The following USO1 variants were observed in gnomAD, a reference collection of about 807,000 sequenced individuals.
USO1 encodes the protein USO1 vesicle transport factor, also known as general vesicular transport factor p115.
USO1 carries 57 observed loss-of-function variants against 124.5 expected under a neutral mutation model. That is an observed-to-expected ratio of 0.46 (90% CI 0.37 to 0.57). USO1 has a LOEUF of 0.57. USO1 is among the 20% of genes least tolerant of loss of function. The probability of loss-of-function intolerance (pLI) is 0.00; values close to 1 mark genes in which losing one functional copy is unlikely to be tolerated. For synonymous variants in USO1, 369 were observed against 362.8 expected (o/e 1.02, Z -0.19); for missense variants, 900 against 1,040.6 (o/e 0.86, Z 1.86).
At position 75,785,755 on chromosome 4, in the gene USO1, A is replaced by G. The variant is rs562314845; in HGVS notation, c.856-1307A>G. Among the ~76,000 whole-genome samples, 27 of 152,282 alleles carry G rather than the reference A, an allele frequency of 1.8e-4. 1 individual carries two copies. The South Asian group carries it at 5.4e-3, about 30-fold the overall frequency. ...TGATTTTGTCCATTGTAATAATGGT[A>G]TGATTATATTTCAAAAAATATCAAG... On this transcript the variant is annotated intron_variant, in intron 9 of 23. Transcript: ENST00000514213.
rs1367330175 is a variant in USO1 at position 75,724,696 on chromosome 4, G to A, written c.-124G>A. The A allele has an allele frequency of 3.2e-6, 3 of 948,272 alleles. No individual in the cohort carries two copies. Among genetic ancestry groups the A allele is most frequent in the Non-Finnish European group, 4.7e-6 (3 of 638,942 alleles). The allele number at this position is 948,272 out of a possible 1,614,324, so 58.7% of individuals were successfully genotyped here. A position where few individuals can be genotyped will look rare whatever the true frequency, so the allele number is the denominator to read the frequency against. ...GGCTGGAGTGGCCGCCGAGTTGGAG[G>A]CGGTGGTGGCAGCAGTAGGAGTGTG... On this transcript the variant is annotated 5_prime_UTR_variant, in exon 1 of 24. Coordinates refer to ENST00000514213, the MANE Select transcript of USO1 (RefSeq NM_003715.4).
At chr4:75,757,714 A>C (rs750950359) in intron 4 of USO1, 141 bp downstream of exon 4, 114 of 751,240 alleles carry the variant, frequency 1.5e-4, no homozygotes, top group Non-Finnish European at 1.9e-4. Flanking sequence ...TAATAAACAC[A>C]TAGGCTTAGA....
At chr4:75,771,163 C>A (rs879215555) in intron 7 of USO1, 26 bp downstream of exon 7, 2 of 1,578,046 alleles carry the variant, frequency 1.3e-6, no homozygotes, top group East Asian at 2.3e-5. Flanking sequence ...AAAAGAAATA[C>A]AAAAATATGT....
At chr4:75,739,162 A>C (rs966105609) in intron 1 of USO1, among the ~76,000 whole-genome samples, 1 of 152,128 alleles carries the variant, frequency 6.6e-6, no homozygotes, top group Non-Finnish European at 1.5e-5. Flanking sequence ...AAGTTTTTTT[A>C]AAGTGTTGTA....
intron 3 of USO1, among the ~76,000 whole-genome samples, chr4:75,755,097 A>G (rs1346032770): frequency 1.3e-5 from 2 of 152,208 alleles, no homozygotes; most frequent in Non-Finnish European, 2.9e-5. Flanking sequence ...GCTGTTTGAT[A>G]TGGCAACTGC....
At chr4:75,812,115 T>G in intron 22 of USO1, 45 bp from the exon 23 acceptor site, 1 of 1,553,628 alleles carries the variant, frequency 6.4e-7, no homozygotes. Flanking sequence ...TCTAGGAAAG[T>G]GAGTGCTAAT....
chr4:75,767,412 G>T (rs941331193), intron 4 of USO1: 17 of 428,506 alleles, frequency 4.0e-5, no homozygotes, highest in African/African-American at 3.5e-4. Context: ...GATGACTTTT[G>T]ATACATGTAT....
intron 6 of USO1, 40 bp from the exon 7 acceptor site, chr4:75,771,042 T>G: frequency 1.9e-6 from 3 of 1,599,082 alleles, no homozygotes; most frequent in Non-Finnish European, 1.7e-6. Flanking sequence ...TATTTGTATT[T>G]TTGGTCTGCC....
intron 1 of USO1, chr4:75,744,973 T>A (rs757082392): frequency 2.1e-5 from 10 of 479,970 alleles, no homozygotes; most frequent in Non-Finnish European, 3.7e-5. Flanking sequence ...TCTTATTTTT[T>A]AGGACCCCAA....
At position 75,752,437 on chromosome 4, in the gene USO1, G is replaced by C. The variant is rs1409196961; in HGVS notation, c.131G>C (p.Arg44Pro). The stretch of plus-strand genomic sequence containing the variant: ...TTGGATGATCGAAGAAATGCTGTTC[G>C]TGCTCTCAAATCATTATCTAAGGTT... ...TLLDDRRNAV[R>P]ALKSLSKKYR... is the part of the protein sequence containing the mutation. The change falls in exon 2 of 24, where the codon CGT (arginine) becomes CCT (proline). Residue 44 changes from arginine to proline, a missense_variant. Coordinates refer to ENST00000514213, the MANE Select transcript of USO1 (RefSeq NM_003715.4). 7.5e-6 allele frequency: 3 copies of C among 398,140 alleles called. No homozygotes were observed. The highest frequency in any genetic ancestry group is 1.3e-5 in the Non-Finnish European group (3 of 225,976). 24.7% of individuals were successfully genotyped at this position (398,140 alleles called of 1,614,324 possible).
chr4:75,796,309 G>A (rs982172345), intron 13 of USO1, among the ~76,000 whole-genome samples: 6 of 121,982 alleles, frequency 4.9e-5, no homozygotes, highest in South Asian at 2.9e-4. Context: ...GATGTAGAAC[G>A]TTTTCATAAT....
At chr4:75,732,771 T>A (rs555963885) in intron 1 of USO1, among the ~76,000 whole-genome samples, 13 of 146,788 alleles carry the variant, frequency 8.9e-5, no homozygotes, top group African/African-American at 3.3e-4. Flanking sequence ...CCCAGCTACT[T>A]GGGAAGCTGA....
Position 75,790,265 on chromosome 4 carries a change from C to T in USO1, c.1085+27C>T, listed in dbSNP as rs766762993. On this transcript the variant is annotated intron_variant, in intron 11 of 23. Transcript: ENST00000514213. ...TAGAAAAAGGGAAATACTGAGATTA[C>T]TCTGAGGAAGTAAAAACTTTGGGTT... is the stretch of plus-strand genomic sequence containing the variant. 3.2e-6 allele frequency: 5 copies of T among 1,566,032 alleles called. No individual in the cohort carries two copies. In the South Asian group the frequency reaches 4.7e-5, roughly 15 times the overall value.
intron 1 of USO1, among the ~76,000 whole-genome samples, chr4:75,751,715 C>T (rs1215261796): frequency 6.6e-6 from 1 of 151,314 alleles, no homozygotes; most frequent in African/African-American, 2.4e-5. Context: ...CCTGTAATCC[C>T]ATCTTTTCAG....
intron 4 of USO1, among the ~76,000 whole-genome samples, chr4:75,769,027 T>G (rs1277687546): frequency 6.6e-6 from 1 of 152,228 alleles, no homozygotes; most frequent in Non-Finnish European, 1.5e-5. Flanking sequence ...AACCCTATCC[T>G]TCTAGTTCTT....
intron 3 of USO1, among the ~76,000 whole-genome samples, chr4:75,756,002 C>G (rs951239606): frequency 6.6e-6 from 1 of 151,928 alleles, no homozygotes; most frequent in African/African-American, 2.4e-5. Context: ...AACCCCATCT[C>G]TACTAAAAAT....
At chr4:75,740,362 A>G (rs1437255589) in intron 1 of USO1, among the ~76,000 whole-genome samples, 1 of 152,190 alleles carries the variant, frequency 6.6e-6, no homozygotes, top group African/African-American at 2.4e-5. Flanking sequence ...ACTGTGGCTC[A>G]CTGCAGTCTC....
chr4:75,796,162 A>G (rs1722671953), intron 13 of USO1, among the ~76,000 whole-genome samples: 1 of 152,110 alleles, frequency 6.6e-6, no homozygotes, highest in Admixed American at 6.6e-5. Flanking sequence ...GTATTTTATA[A>G]GTATACATGT....
chr4:75,779,526 A>C (rs1722161446), intron 8 of USO1, among the ~76,000 whole-genome samples: 2 of 152,216 alleles, frequency 1.3e-5, no homozygotes, highest in African/African-American at 4.8e-5. Context: ...GATATAGAGA[A>C]AGTTTTAGTT....
Sources: allele counts gnomAD v4.1 joint callset (sites outside exome capture counted in the v4.1 genomes callset), GRCh38; gene constraint gnomAD v4.1.1; transcripts MANE v1.5; gene names NCBI Gene and HGNC (gene_info 2026-07-23, HGNC 2026-07-21).